UTS2B: variants seen among roughly 807,000 people sequenced by gnomAD.
The protein encoded by UTS2B is urotensin 2B, also known as urotensin-2B.
In UTS2B, 21 loss-of-function variants were observed where a neutral mutation model predicts 19.2. That is an observed-to-expected ratio of 1.09 (90% confidence interval 0.78 to 1.58). UTS2B has a LOEUF of 1.58. Ranked by LOEUF, UTS2B falls within the 40% of genes most tolerant of loss-of-function variation. The pLI is 0.00. For synonymous variants in UTS2B, 57 were observed against 50.2 expected (o/e 1.14, Z -0.58); for missense variants, 138 against 130.3 (o/e 1.06, Z -0.29).
chr3:191,293,280 G>A (rs2108586591), intron 4 of UTS2B, among the ~76,000 whole-genome samples: 1 of 152,178 alleles, frequency 6.6e-6, no homozygotes, highest in South Asian at 2.1e-4. Context: ...AATTGAAAAT[G>A]GTCTCTTCTC....
upstream of UTS2B, among the ~76,000 whole-genome samples, chr3:191,331,631 C>A (rs557374096): frequency 1.6e-4 from 25 of 152,256 alleles, no homozygotes; most frequent in Admixed American, 1.6e-3. Context: ...TTGTAAACAT[C>A]TGACTTTTCT....
At chr3:191,343,984 A>G in the UTS2B span, among the ~76,000 whole-genome samples, 1 of 152,256 alleles carries the variant, frequency 6.6e-6, no homozygotes, top group East Asian at 1.9e-4. Context: ...TACAGAGGTT[A>G]GCAAAACTAT....
intron 4 of UTS2B, among the ~76,000 whole-genome samples, chr3:191,283,106 A>G (rs1205274291): frequency 6.6e-6 from 1 of 152,182 alleles, no homozygotes; most frequent in Non-Finnish European, 1.5e-5. Flanking sequence ...GCAGCACATG[A>G]TGGTATTAAC....
chr3:191,283,777 TTTC>T (rs1460767710), intron 4 of UTS2B, among the ~76,000 whole-genome samples: 1 of 48,566 alleles, frequency 2.1e-5, no homozygotes. Flanking sequence ...TGTGTCTTAC[TTTC>T]TTAAGAATTC....
At chr3:191,342,103 G>A in the UTS2B span, among the ~76,000 whole-genome samples, 9 of 152,110 alleles carry the variant, frequency 5.9e-5, no homozygotes, top group Admixed American at 2.6e-4. Context: ...GCCTGTGGTG[G>A]CCTAACAGTG....
intron 4 of UTS2B, among the ~76,000 whole-genome samples, chr3:191,292,958 C>T (rs896408947): frequency 1.3e-5 from 2 of 151,872 alleles, no homozygotes; most frequent in African/African-American, 2.4e-5. Flanking sequence ...GAGCAGGTAT[C>T]GCACACTGCG....
At position 191,330,396 on chromosome 3, in the gene UTS2B, G is replaced by C. The variant is rs1717939486; in HGVS notation, c.-665+18C>G. On this transcript the variant is annotated intron_variant, in intron 1 of 8. Coordinates refer to ENST00000340524, the MANE Select transcript of UTS2B (RefSeq NM_198152.5). ...GCTTTTTGTACCAATGTCCAGGAAA[G>C]TAGAGATTAGTACTGACCTGGCTTT... The C allele has an allele frequency of 1.3e-5, 2 of 152,530 alleles. No homozygotes were observed. Among genetic ancestry groups the C allele is most frequent in the Admixed American group, 1.3e-4 (2 of 15,276 alleles). The allele number at this position is 152,530 out of a possible 1,614,324, so 9.4% of individuals were successfully genotyped here.
chr3:191,273,092 T>C lies in UTS2B; in HGVS notation c.334+2160A>G, dbSNP rs553013286. On this transcript the variant is annotated intron_variant, in intron 8 of 8. Coordinates refer to ENST00000340524, the MANE Select transcript of UTS2B (RefSeq NM_198152.5). The stretch of plus-strand genomic sequence containing the variant: ...CTGAGGCAGGTGAATAGCTGGAACC[T>C]GGGAGGCAGAGGTTGCAGTGAGCCG... Among the ~76,000 whole-genome samples, 509 of 151,996 alleles carry C rather than the reference T, an allele frequency of 3.3e-3. 4 individuals carry two copies. Among genetic ancestry groups the C allele is most frequent in the South Asian group, 0.011 (54 of 4,810 alleles).
rs567335131 is a variant in UTS2B, at chr3:191,270,098, A to G, written c.335-1657T>C. ...AAAGAAAGGTACAATATTTCACAGT[A>G]AGCGTAAGTTTTTACTGTCTTAAGC... is the stretch of plus-strand genomic sequence containing the variant. On this transcript the variant is annotated intron_variant, in intron 8 of 8. Coordinates refer to ENST00000340524, the MANE Select transcript of UTS2B (RefSeq NM_198152.5). 2.6e-5 allele frequency among the ~76,000 whole-genome samples: 4 copies of G among 152,382 alleles called. No homozygotes were observed. In the East Asian group the frequency reaches 5.8e-4, roughly 22 times the overall value.
intron 2 of UTS2B, among the ~76,000 whole-genome samples, chr3:191,321,460 C>T (rs1717609094): frequency 6.6e-6 from 1 of 152,114 alleles, no homozygotes; most frequent in African/African-American, 2.4e-5. Context: ...ATATGAATTG[C>T]CTGAAATATT....
chr3:191,290,847 A>G (rs1476918153), intron 4 of UTS2B, among the ~76,000 whole-genome samples: 2 of 152,220 alleles, frequency 1.3e-5, no homozygotes. Flanking sequence ...AAGTGTTTGT[A>G]TGGTGACTCA....
At chr3:191,283,540 C>A (rs1716449605) in intron 4 of UTS2B, among the ~76,000 whole-genome samples, 1 of 152,084 alleles carries the variant, frequency 6.6e-6, no homozygotes, top group Non-Finnish European at 1.5e-5. Context: ...GCGAGTCTGC[C>A]TCCACTATCA....
chr3:191,322,565 A>G (rs1717638262), intron 2 of UTS2B, among the ~76,000 whole-genome samples: 1 of 152,230 alleles, frequency 6.6e-6, no homozygotes. Context: ...TACAGACCAT[A>G]AGAATAGACA....
In UTS2B at chr3:191,309,933, AT is replaced by A. The variant is rs559242866; in HGVS notation, c.-181-5386del. On this transcript the variant is annotated intron_variant, in intron 3 of 8. Coordinates refer to ENST00000340524, the MANE Select transcript of UTS2B (RefSeq NM_198152.5). ...TTCATAAAATTATCCAGTCTTGAGA[AT>A]TTTTTTTTTCTTTCTTTTTTCCTTT... Among the ~76,000 whole-genome samples, 437 of 149,040 alleles carry A rather than the reference AT, an allele frequency of 2.9e-3. 1 individual carries two copies. The highest frequency in any genetic ancestry group is 5.6e-3 in the African/African-American group (226 of 40,534).
intron 2 of UTS2B, among the ~76,000 whole-genome samples, chr3:191,322,307 T>C (rs1717633216): frequency 6.6e-6 from 1 of 152,172 alleles, no homozygotes; most frequent in African/African-American, 2.4e-5. Flanking sequence ...TAGAGTTGTC[T>C]TGGGAGATAA....
intron 5 of UTS2B, among the ~76,000 whole-genome samples, chr3:191,280,168 CA>C (rs1423466776): frequency 2.0e-5 from 3 of 152,068 alleles, no homozygotes; most frequent in Non-Finnish European, 4.4e-5. Flanking sequence ...TGCACAGAGA[CA>C]AGAAATTTTA....
intron 4 of UTS2B, among the ~76,000 whole-genome samples, chr3:191,291,411 T>A (rs1576921215): frequency 6.6e-6 from 1 of 152,278 alleles, no homozygotes; most frequent in Non-Finnish European, 1.5e-5. Flanking sequence ...TATATTATTA[T>A]CTAAGAGTTC....
At chr3:191,285,223 G>A (rs931668145) in intron 4 of UTS2B, among the ~76,000 whole-genome samples, 20 of 109,746 alleles carry the variant, frequency 1.8e-4, no homozygotes, top group African/African-American at 5.2e-4. Context: ...TTAAGTAAAA[G>A]TGTAGAGTTA....
chr3:191,283,921 T>TA (rs1377268384), intron 4 of UTS2B, among the ~76,000 whole-genome samples: 2 of 152,198 alleles, frequency 1.3e-5, no homozygotes. Context: ...ATTAGCTTTC[T>TA]AAGCTCTATT....
Sources: gnomAD v4.1 joint callset for allele counts (sites outside exome capture counted in the v4.1 genomes callset) on GRCh38, gnomAD v4.1.1 for gene constraint, MANE v1.5 for transcripts, NCBI Gene and HGNC (gene_info 2026-07-23, HGNC 2026-07-21) for gene names.